Variants in THSD7B observed in about 807,000 individuals in gnomAD.
The protein encoded by THSD7B is thrombospondin type-1 domain-containing protein 7B.
A neutral mutation model predicts 213.6 loss-of-function variants in THSD7B; 138 were observed. That is an observed-to-expected ratio of 0.65 (90% CI 0.56 to 0.74). The LOEUF (loss-of-function observed/expected upper bound fraction) is 0.74, where lower values mean the gene tolerates loss of function less well. THSD7B is among the 30% of genes least tolerant of loss of function. The pLI is 0.00. For missense variants in THSD7B, 1,931 were observed against 1,991.5 expected, an observed-to-expected ratio of 0.97 and a Z score of 0.58; for synonymous variants, 742 against 687.0, an observed-to-expected ratio of 1.08 and a Z score of -1.25.
chr2:137,676,207 G>A (rs973295931), intron 27 of THSD7B, among the ~76,000 whole-genome samples: 5 of 152,140 alleles, frequency 3.3e-5, no homozygotes, highest in Non-Finnish European at 5.9e-5. Context: ...TGATGTGAAG[G>A]TCACAATAGC....
At chr2:137,012,280 GT>G (rs1432340831) in intron 2 of THSD7B, among the ~76,000 whole-genome samples, 1 of 152,172 alleles carries the variant, frequency 6.6e-6, no homozygotes. Context: ...ATGATCCAGA[GT>G]TTGGGGAGTC....
chr2:137,089,317 TAC>T (rs1687904781), intron 3 of THSD7B, among the ~76,000 whole-genome samples: 1 of 148,658 alleles, frequency 6.7e-6, no homozygotes, highest in Non-Finnish European at 1.5e-5. Flanking sequence ...TATGTATATA[TAC>T]ATATATGTGT....
chr2:136,782,453 C>T (rs1398939246), intron 1 of THSD7B, among the ~76,000 whole-genome samples: 3 of 152,158 alleles, frequency 2.0e-5, no homozygotes, highest in Admixed American at 6.5e-5. Context: ...TGAATGAGTA[C>T]CCATCTTAAA....
At chr2:137,379,896 A>G (rs1201556781) in intron 12 of THSD7B, among the ~76,000 whole-genome samples, 3 of 152,190 alleles carry the variant, frequency 2.0e-5, no homozygotes, top group African/African-American at 7.2e-5. Flanking sequence ...ACCTGGTGAG[A>G]AGATGAAAGC....
At chr2:137,423,764 G>C (rs1686979312) in intron 14 of THSD7B, among the ~76,000 whole-genome samples, 1 of 151,998 alleles carries the variant, frequency 6.6e-6, no homozygotes, top group Non-Finnish European at 1.5e-5. Context: ...ATTTAGTTCA[G>C]ATTATATTAA....
chr2:137,074,414 C>CT (rs1212539288), intron 3 of THSD7B, among the ~76,000 whole-genome samples: 6 of 151,746 alleles, frequency 4.0e-5, no homozygotes, highest in African/African-American at 1.2e-4. Flanking sequence ...CAACCCCTGC[C>CT]TTTTTTTGTT....
At chr2:137,483,075 A>G (rs1289843334) in intron 15 of THSD7B, among the ~76,000 whole-genome samples, 3 of 152,190 alleles carry the variant, frequency 2.0e-5, no homozygotes, top group Admixed American at 2.0e-4. Context: ...TGTTCTCAAT[A>G]GGATGCCTTG....
At chr2:137,062,050 A>G (rs1327957211) in intron 3 of THSD7B, among the ~76,000 whole-genome samples, 1 of 151,568 alleles carries the variant, frequency 6.6e-6, no homozygotes, top group East Asian at 1.9e-4. Flanking sequence ...CGTATCATCG[A>G]TTTCTCTTTG....
At chr2:137,418,207 G>A (rs1686841424) in intron 14 of THSD7B, among the ~76,000 whole-genome samples, 1 of 152,062 alleles carries the variant, frequency 6.6e-6, no homozygotes, top group African/African-American at 2.4e-5. Flanking sequence ...CTTAGTTCAG[G>A]CTACTTTATG....
chr2:137,132,634 A>T (rs932491010), intron 5 of THSD7B, among the ~76,000 whole-genome samples: 10 of 152,198 alleles, frequency 6.6e-5, no homozygotes, highest in African/African-American at 2.4e-4. Context: ...TGTTATCTTT[A>T]CTAACTAAGA....
intron 4 of THSD7B, among the ~76,000 whole-genome samples, chr2:137,103,974 G>A (rs779022305): frequency 2.0e-5 from 3 of 151,956 alleles, no homozygotes; most frequent in African/African-American, 7.2e-5. Flanking sequence ...TTAGATCAAC[G>A]AGACAGAAAA....
chr2:137,651,059 G>T (rs1427223024), intron 21 of THSD7B, among the ~76,000 whole-genome samples: 1 of 152,044 alleles, frequency 6.6e-6, no homozygotes, highest in Non-Finnish European at 1.5e-5. Flanking sequence ...CCCGTTTCTG[G>T]TCTTGGATCA....
intron 17 of THSD7B, among the ~76,000 whole-genome samples, chr2:137,605,648 CTTTTTTTTTTTTTTTTTTTTTTT>C (rs34604281): frequency 1.3e-3 from 88 of 69,018 alleles, no homozygotes; most frequent in African/African-American, 3.9e-3. Flanking sequence ...GCACTTCGCA[CTTTTTTTTTTTTTTTTTTTTTTT>C]TTTTTTTTTT....
rs560890016 is a variant in THSD7B, at chr2:137,308,973, T to C, written c.2500+32947T>C. ...TTTTGTATTAGAAACAGCTCTGAAC[T>C]ACAACTTTGTCCATTTTTAACTTTA... On this transcript the variant is annotated intron_variant, in intron 12 of 27. Transcript: ENST00000409968. Among the ~76,000 whole-genome samples the C allele has an allele frequency of 4.6e-5, 7 of 152,248 alleles. No homozygotes were observed. In the East Asian group the frequency reaches 1.3e-3, roughly 29 times the overall value.
chr2:137,459,115 C>T (rs1687828009), intron 15 of THSD7B, among the ~76,000 whole-genome samples: 1 of 151,760 alleles, frequency 6.6e-6, no homozygotes, highest in African/African-American at 2.4e-5. Flanking sequence ...ACCTCTTATA[C>T]TAGTTTGAAA....
In THSD7B at chr2:137,094,558, TAA is replaced by T. The variant is rs34285827; in HGVS notation, c.951-304_951-303del. Among the ~76,000 whole-genome samples, 6 of 141,900 alleles carry T rather than the reference TAA, an allele frequency of 4.2e-5. No homozygotes were observed. In the South Asian group the frequency reaches 1.3e-3, roughly 32 times the overall value. The allele number at this position is 141,900 out of a possible 152,430, so 93.1% of individuals were successfully genotyped here. A position where few individuals can be genotyped will look rare whatever the true frequency, so the allele number is the denominator to read the frequency against. ...GGGTGACAGAGCAAGACTCCATCTCTAAAAAAAAAAAACACAGCAGCCTAGAA... is the reference window on the plus strand; with the variant it reads ...GGGTGACAGAGCAAGACTCCATCTCTAAAAAAAAAACACAGCAGCCTAGAA... On this transcript the variant is annotated intron_variant, in intron 3 of 27. Transcript: ENST00000409968.
At chr2:137,149,050 T>A (rs1573853487) in intron 5 of THSD7B, among the ~76,000 whole-genome samples, 1 of 152,286 alleles carries the variant, frequency 6.6e-6, no homozygotes, top group East Asian at 1.9e-4. Context: ...TCCAGGGCAC[T>A]CCTGCTCTAT....
At chr2:136,932,878 T>C (rs1318490252) in intron 2 of THSD7B, among the ~76,000 whole-genome samples, 1 of 152,088 alleles carries the variant, frequency 6.6e-6, no homozygotes, top group African/African-American at 2.4e-5. Flanking sequence ...TGAAAGGGGC[T>C]CAATAGCTTC....
chr2:137,277,850 G>A (rs1682907958), intron 12 of THSD7B, among the ~76,000 whole-genome samples: 1 of 152,066 alleles, frequency 6.6e-6, no homozygotes, highest in African/African-American at 2.4e-5. Flanking sequence ...GGGAGTTGAG[G>A]ATAAAAGCTG....
Sources: allele counts gnomAD v4.1 joint callset (sites outside exome capture counted in the v4.1 genomes callset), GRCh38; gene constraint gnomAD v4.1.1; transcripts MANE v1.5; gene names NCBI Gene and HGNC (gene_info 2026-07-23, HGNC 2026-07-21).